JARID2: variants seen among roughly 807,000 people sequenced by gnomAD.
JARID2 encodes the protein jumonji and AT-rich interaction domain containing 2, also known as protein Jumonji.
In JARID2, 21 loss-of-function variants were observed where a neutral mutation model predicts 125.6. The observed-to-expected ratio is 0.17, with a 90% CI of 0.12 to 0.24. JARID2 has a LOEUF of 0.24. Ranked by LOEUF, JARID2 falls within the 10% of genes least tolerant of loss-of-function variation. The pLI is 1.00. For missense variants in JARID2, 1,303 were observed against 1,639.6 expected (o/e 0.79, Z 3.55); for synonymous variants, 736 against 661.6 (o/e 1.11, Z -1.73).
At chr6:15,424,112 T>C (rs959857410) in intron 3 of JARID2, among the ~76,000 whole-genome samples, 1 of 151,690 alleles carries the variant, frequency 6.6e-6, no homozygotes, top group African/African-American at 2.4e-5. Context: ...TAGACCTGTA[T>C]GTATTCATCC....
intron 1 of JARID2, among the ~76,000 whole-genome samples, chr6:15,364,748 C>A (rs567383115): frequency 8.5e-5 from 13 of 152,208 alleles, no homozygotes; most frequent in African/African-American, 3.1e-4. Flanking sequence ...AATTGAAACC[C>A]TATCCAATTT....
At chr6:15,334,320 T>C (rs1762810391) in intron 1 of JARID2, among the ~76,000 whole-genome samples, 1 of 105,968 alleles carries the variant, frequency 9.4e-6, no homozygotes, top group African/African-American at 3.0e-5. Context: ...ATGTCACCAA[T>C]AGGAACATGA....
chr6:15,406,133 G>T lies in JARID2; in HGVS notation c.182-4091G>T, dbSNP rs542457803. On this transcript the variant is annotated intron_variant, in intron 2 of 17. Coordinates refer to ENST00000341776, the MANE Select transcript of JARID2 (RefSeq NM_004973.4). Reference sequence around the variant, plus strand: ...AAGTCAGTCTTGCGCCTTCGTAAGGGCCAGTAAAATCTATGGTCCTGGCCA... The same window carrying T: ...AAGTCAGTCTTGCGCCTTCGTAAGGTCCAGTAAAATCTATGGTCCTGGCCA... 3.5e-4 allele frequency among the ~76,000 whole-genome samples: 54 copies of T among 152,232 alleles called. No individual in the cohort carries two copies. In the South Asian group the frequency reaches 0.011, roughly 30 times the overall value.
intron 4 of JARID2, among the ~76,000 whole-genome samples, chr6:15,461,454 G>A (rs1768444752): frequency 6.6e-6 from 1 of 152,158 alleles, no homozygotes; most frequent in East Asian, 1.9e-4. Context: ...AGGAGGGAGG[G>A]TTGCTGAAGG....
At chr6:15,317,052 A>G (rs1762202346) in intron 1 of JARID2, among the ~76,000 whole-genome samples, 1 of 152,160 alleles carries the variant, frequency 6.6e-6, no homozygotes, top group South Asian at 2.1e-4. Context: ...CTTGAGTATA[A>G]TGGGTTGTGA....
intron 3 of JARID2, among the ~76,000 whole-genome samples, chr6:15,412,049 AG>A (rs1765900821): frequency 6.6e-6 from 1 of 152,246 alleles, no homozygotes; most frequent in Admixed American, 6.5e-5. Flanking sequence ...GTAGTAGAAA[AG>A]AGGAACTCTT....
At chr6:15,477,709 TGAA>T (rs1769417292) in intron 5 of JARID2, among the ~76,000 whole-genome samples, 1 of 152,134 alleles carries the variant, frequency 6.6e-6, no homozygotes, top group East Asian at 1.9e-4. Context: ...TTCTTATCTC[TGAA>T]GAAGAGATCA....
intron 16 of JARID2, 53 bp from the exon 17 acceptor site, chr6:15,517,108 A>G: frequency 7.3e-7 from 1 of 1,377,040 alleles, no homozygotes; most frequent in Non-Finnish European, 1.0e-6. Flanking sequence ...TTACCCTCCC[A>G]GGGCGCTGTG....
intron 1 of JARID2, among the ~76,000 whole-genome samples, chr6:15,267,669 G>T (rs1760140503): frequency 6.6e-6 from 1 of 152,062 alleles, no homozygotes; most frequent in Non-Finnish European, 1.5e-5. Context: ...GGTGTGACGC[G>T]CGAACTCAAT....
rs1406266949 is a variant in JARID2, at chr6:15,521,999, A to ATAAT, written c.*1749_*1752dup. On this transcript the variant is annotated 3_prime_UTR_variant, in exon 18 of 18. Transcript: ENST00000341776. Reference sequence around the variant, plus strand: ...TTTCAGGTTTGTACTACAAGGTTTAATAATAAAAACAAAGTTTTTTGGACA... The same window carrying ATAAT: ...TTTCAGGTTTGTACTACAAGGTTTAATAATTAATAAAAACAAAGTTTTTTGGACA... 2 of 152,224 alleles carry ATAAT rather than the reference A, an allele frequency of 1.3e-5. No individual in the cohort carries two copies. Among genetic ancestry groups the ATAAT allele is most frequent in the African/African-American group, 2.4e-5 (1 of 41,462 alleles). The allele number at this position is 152,224 out of a possible 1,614,324, so 9.4% of individuals were successfully genotyped here.
intron 1 of JARID2, among the ~76,000 whole-genome samples, chr6:15,279,785 G>T (rs1347748629): frequency 6.6e-6 from 1 of 152,142 alleles, no homozygotes; most frequent in African/African-American, 2.4e-5. Context: ...GTTCTCATTA[G>T]CCCCTATCGT....
Position 15,420,328 on chromosome 6 carries a change from A to G in JARID2, c.323+9963A>G, listed in dbSNP as rs1016062918. Among the ~76,000 whole-genome samples, 121 of 151,524 alleles carry G rather than the reference A, an allele frequency of 8.0e-4. 1 individual carries two copies. Among genetic ancestry groups the G allele is most frequent in the Non-Finnish European group, 3.1e-4 (21 of 67,846 alleles). ...TGAGGCAGGAGAATTGCTTGAACCC[A>G]GGAGGCGGAGGTTGCAGTGAGCCAA... is the stretch of plus-strand genomic sequence containing the variant. On this transcript the variant is annotated intron_variant, in intron 3 of 17. Transcript: ENST00000341776.
chr6:15,413,234 GTCTCCC>G (rs1765982618), intron 3 of JARID2, among the ~76,000 whole-genome samples: 1 of 151,908 alleles, frequency 6.6e-6, no homozygotes, highest in Admixed American at 6.6e-5. Context: ...GGTCAGGCTG[GTCTCCC>G]TACTTCAGGT....
intron 3 of JARID2, among the ~76,000 whole-genome samples, chr6:15,423,847 C>T (rs1023348769): frequency 6.6e-6 from 1 of 152,106 alleles, no homozygotes; most frequent in Non-Finnish European, 1.5e-5. Context: ...TTTTGGGTTC[C>T]TGCAACTGTG....
At chr6:15,272,013 C>T (rs1392538807) in intron 1 of JARID2, among the ~76,000 whole-genome samples, 3 of 151,770 alleles carry the variant, frequency 2.0e-5, no homozygotes, top group Non-Finnish European at 2.9e-5. Context: ...GTCCCACCTA[C>T]TCAGGAGAGG....
At chr6:15,292,086 G>A (rs1196979995) in intron 1 of JARID2, among the ~76,000 whole-genome samples, 7 of 151,920 alleles carry the variant, frequency 4.6e-5, no homozygotes, top group East Asian at 3.9e-4. Flanking sequence ...GCGCCATCTC[G>A]GCTCACTGCA....
intron 3 of JARID2, among the ~76,000 whole-genome samples, chr6:15,412,362 G>A (rs1765915681): frequency 1.3e-5 from 2 of 152,296 alleles, no homozygotes; most frequent in South Asian, 4.2e-4. Context: ...GGGCTGGAGT[G>A]TGGTGGTGCA....
At chr6:15,256,180 C>T (rs921037101) in intron 1 of JARID2, among the ~76,000 whole-genome samples, 2 of 152,168 alleles carry the variant, frequency 1.3e-5, no homozygotes, top group Non-Finnish European at 2.9e-5. Flanking sequence ...TCAGGCCTGC[C>T]GGCGGCCTTC....
intron 4 of JARID2, among the ~76,000 whole-genome samples, chr6:15,461,301 T>C (rs1246290922): frequency 2.0e-5 from 3 of 152,226 alleles, no homozygotes; most frequent in African/African-American, 7.2e-5. Context: ...ATAACCATTG[T>C]ATTCTCCTTG....
Sources: allele counts gnomAD v4.1 joint callset (sites outside exome capture counted in the v4.1 genomes callset), GRCh38; gene constraint gnomAD v4.1.1; transcripts MANE v1.5; gene names NCBI Gene and HGNC (gene_info 2026-07-23, HGNC 2026-07-21).